LRPPRC: variants seen among roughly 807,000 people sequenced by gnomAD.
LRPPRC encodes leucine-rich PPR motif-containing protein, mitochondrial.
LRPPRC carries 120 observed loss-of-function variants against 180.3 expected under a neutral mutation model. The ratio of observed to expected loss-of-function variants is 0.67; its 90% CI spans 0.57 to 0.77. The LOEUF is 0.77. LRPPRC is among the 30% of genes least tolerant of loss of function. LRPPRC has a pLI of 0.00. For missense variants in LRPPRC, 2,012 were observed against 1,657.2 expected (o/e 1.21, Z -3.72); for synonymous variants, 723 against 600.0 (o/e 1.21, Z -3.00).
chr2:43,959,819 G>C (rs1275402354), intron 13 of LRPPRC, among the ~76,000 whole-genome samples: 1 of 152,158 alleles, frequency 6.6e-6, no homozygotes, highest in African/African-American at 2.4e-5. Context: ...AGGAGGCAGA[G>C]GATGCAGTGA....
At chr2:43,967,650 C>T (rs371533413) in intron 11 of LRPPRC, among the ~76,000 whole-genome samples, 36 of 152,030 alleles carry the variant, frequency 2.4e-4, no homozygotes, top group African/African-American at 7.2e-4. Flanking sequence ...GCCAGTATCA[C>T]GCCACTACAC....
rs765943533 is a variant in LRPPRC at position 43,889,715 on chromosome 2, TTAA to T, written c.4128+16_4128+18del. The T allele has an allele frequency of 3.1e-6, 5 of 1,600,384 alleles. No individual in the cohort carries two copies. The highest frequency in any genetic ancestry group is 4.3e-6 in the Non-Finnish European group (5 of 1,167,700). On this transcript the variant is annotated intron_variant, in intron 37 of 37. Coordinates refer to ENST00000260665, the MANE Select transcript of LRPPRC (RefSeq NM_133259.4). ...AAATCTGCAGAGGTATTTTTTCCCC[TTAA>T]TTAAGAAATACTCACAGGGGGTTCA...
intron 14 of LRPPRC, among the ~76,000 whole-genome samples, chr2:43,955,827 T>C (rs1330578137): frequency 6.6e-6 from 1 of 151,836 alleles, no homozygotes; most frequent in African/African-American, 2.4e-5. Flanking sequence ...GGAAAAGTAA[T>C]GGAAAAACAG....
At chr2:43,932,757 T>C (rs1277991098) in intron 25 of LRPPRC, among the ~76,000 whole-genome samples, 2 of 152,170 alleles carry the variant, frequency 1.3e-5, no homozygotes, top group African/African-American at 4.8e-5. Flanking sequence ...TAAAGACAGA[T>C]ATTATGTTCT....
At chr2:43,925,758 T>C (rs1671854469) in intron 26 of LRPPRC, 135 bp downstream of exon 26, 2 of 733,266 alleles carry the variant, frequency 2.7e-6, no homozygotes, top group South Asian at 2.9e-5. Flanking sequence ...ATTGCTTATC[T>C]GGCAAATGAT....
intron 11 of LRPPRC, among the ~76,000 whole-genome samples, chr2:43,964,765 A>G (rs1368437717): frequency 6.6e-6 from 1 of 152,224 alleles, no homozygotes; most frequent in East Asian, 1.9e-4. Flanking sequence ...TAAACAGTTC[A>G]CCATATACAA....
At chr2:43,918,800 T>C (rs887091489) in intron 27 of LRPPRC, among the ~76,000 whole-genome samples, 1 of 136,754 alleles carries the variant, frequency 7.3e-6, no homozygotes, top group Non-Finnish European at 1.5e-5. Context: ...TAGATATATA[T>C]ATATATATAG....
In LRPPRC at chr2:43,896,496, G is replaced by A. The variant is rs963144668; in HGVS notation, c.3900+138C>T. On this transcript the variant is annotated intron_variant, in intron 35 of 37. Transcript: ENST00000260665. The stretch of plus-strand genomic sequence containing the variant: ...TAACAGACGACAAAACTGACTCTAA[G>A]TAGAGACAAGCAAAGTCTTGAATCT... The A allele has an allele frequency of 2.0e-4, 133 of 659,304 alleles. 5 individuals carry two copies. Among genetic ancestry groups the A allele is most frequent in the South Asian group, 1.6e-3 (92 of 58,698 alleles). The allele number at this position is 659,304 out of a possible 1,614,324, so 40.8% of individuals were successfully genotyped here. A position where few individuals can be genotyped will look rare whatever the true frequency, so the allele number is the denominator to read the frequency against.
At position 43,934,255 on chromosome 2, in the gene LRPPRC, GCAT is replaced by G; in HGVS notation, c.2668_2670del (p.Met890del). The G allele has an allele frequency of 6.2e-7, 1 of 1,611,532 alleles. No homozygotes were observed. The highest frequency in any genetic ancestry group is 8.5e-7 in the Non-Finnish European group (1 of 1,178,190). Reference sequence around the variant, plus strand: ...AGGAAGGCAAAGAAGAGATCATAGAGCATCACCATTTCACCTTGTTCTTGGCTC... The same window carrying G: ...AGGAAGGCAAAGAAGAGATCATAGAGCACCATTTCACCTTGTTCTTGGCTC... On this transcript the variant is annotated inframe_deletion, in exon 25 of 38. Transcript: ENST00000260665.
intron 36 of LRPPRC, among the ~76,000 whole-genome samples, chr2:43,891,496 A>C (rs1670491058): frequency 6.6e-6 from 1 of 152,078 alleles, no homozygotes; most frequent in African/African-American, 2.4e-5. Flanking sequence ...AACCTTTTTC[A>C]TTATTGTTAT....
intron 22 of LRPPRC, among the ~76,000 whole-genome samples, chr2:43,944,858 A>T (rs539884100): frequency 1.3e-5 from 2 of 152,242 alleles, no homozygotes; most frequent in Non-Finnish European, 2.9e-5. Context: ...AAAAACCTTA[A>T]TTAAAATAAA....
intron 29 of LRPPRC, among the ~76,000 whole-genome samples, chr2:43,915,349 T>G (rs113536279): frequency 6.6e-6 from 1 of 151,858 alleles, no homozygotes; most frequent in Non-Finnish European, 1.5e-5. Context: ...ATGCATAGTG[T>G]GTACTCAAAG....
intron 13 of LRPPRC, chr2:43,959,274 C>G: frequency 1.4e-6 from 1 of 702,294 alleles, no homozygotes; most frequent in Non-Finnish European, 2.6e-6. Flanking sequence ...TAGCAGCCAG[C>G]AATAATACTC....
intron 1 of LRPPRC, among the ~76,000 whole-genome samples, chr2:43,994,170 G>A (rs1463016922): frequency 6.6e-6 from 1 of 152,176 alleles, no homozygotes; most frequent in Non-Finnish European, 1.5e-5. Context: ...AACTCTGAAA[G>A]CCAAGAGATG....
In LRPPRC at chr2:43,931,250, C is replaced by T. The variant is rs542129821; in HGVS notation, c.2736+2940G>A. Among the ~76,000 whole-genome samples the T allele has an allele frequency of 4.6e-5, 7 of 152,256 alleles. No individual in the cohort carries two copies. In the East Asian group the frequency reaches 1.3e-3, roughly 29 times the overall value. ...AAGTTCTGCTTTAAACTTAGCATTT[C>T]GTATTCTAACCTCTTCCCTTGGGTT... On this transcript the variant is annotated intron_variant, in intron 25 of 37. Coordinates refer to ENST00000260665, the MANE Select transcript of LRPPRC (RefSeq NM_133259.4).
At chr2:43,977,113 A>G (rs1178277163) in intron 4 of LRPPRC, 42 bp downstream of exon 4, 2 of 1,610,042 alleles carry the variant, frequency 1.2e-6, no homozygotes, top group Non-Finnish European at 1.7e-6. Flanking sequence ...AAAGAAAAAA[A>G]ATGGTGGATG....
chr2:43,974,856 A>G, intron 7 of LRPPRC, 98 bp from the exon 8 acceptor site: 1 of 1,255,422 alleles, frequency 8.0e-7, no homozygotes, highest in Non-Finnish European at 1.2e-6. Flanking sequence ...CTAGGGAAAA[A>G]TACCACCTAA....
At chr2:43,946,874 G>C (rs115881755) in intron 20 of LRPPRC, among the ~76,000 whole-genome samples, 2,649 of 152,110 alleles carry the variant, frequency 0.017, 86 homozygotes, top group African/African-American at 0.061. Flanking sequence ...CTTTTTTCCA[G>C]CAGGAAAATG....
At chr2:43,926,884 TA>T (rs1206988193) in intron 25 of LRPPRC, among the ~76,000 whole-genome samples, 1 of 152,220 alleles carries the variant, frequency 6.6e-6, no homozygotes, top group Non-Finnish European at 1.5e-5. Flanking sequence ...ACTAAATGTT[TA>T]AAGAACAAAA....
Sources: allele counts gnomAD v4.1 joint callset (sites outside exome capture counted in the v4.1 genomes callset), GRCh38; gene constraint gnomAD v4.1.1; transcripts MANE v1.5; gene names NCBI Gene and HGNC (gene_info 2026-07-23, HGNC 2026-07-21).